Variants in BAHCC1 observed in about 807,000 individuals in gnomAD.
The protein encoded by BAHCC1 is BAH and coiled-coil domain-containing protein 1.
In BAHCC1, 43 loss-of-function variants were observed where a neutral mutation model predicts 88.2. That is an observed-to-expected ratio of 0.49 (90% CI 0.38 to 0.63). The LOEUF is 0.63. Ranked by LOEUF, BAHCC1 falls within the 20% of genes least tolerant of loss-of-function variation. BAHCC1 has a pLI of 0.00. For synonymous variants in BAHCC1, 1,510 were observed against 745.5 expected, an observed-to-expected ratio of 2.03 and a Z score of -16.71; for missense variants, 3,023 against 1,654.8, an observed-to-expected ratio of 1.83 and a Z score of -14.34.
chr17:81,461,765 A>G lies in BAHCC1; in HGVS notation c.7102A>G (p.Thr2368Ala), dbSNP rs1555659536. 3 of 715,862 alleles carry G rather than the reference A, an allele frequency of 4.2e-6. No individual in the cohort carries two copies. Among genetic ancestry groups the G allele is most frequent in the Admixed American group, 4.0e-5 (2 of 50,016 alleles). 44.3% of individuals were successfully genotyped at this position (715,862 alleles called of 1,614,324 possible). A position where few individuals can be genotyped will look rare whatever the true frequency, so the allele number is the denominator to read the frequency against. Residue 2368 changes from threonine to alanine, a missense_variant, in exon 26 of 28, where the codon ACC becomes GCC. By Grantham distance (58) the Thr-to-Ala change is moderately conservative (BLOSUM62 0). Transcript: ENST00000675386. ...GACCTGCCTCACCCACCCCGTGCCCACCCTCCTGGCCCAGCCCGAGGCCCT... is the reference window on the plus strand; with the variant it reads ...GACCTGCCTCACCCACCCCGTGCCCGCCCTCCTGGCCCAGCCCGAGGCCCT... ...LQTCLTHPVPTLLAQPEALRS... is the reference protein window; with the variant it reads ...LQTCLTHPVPALLAQPEALRS...
chr17:81,413,005 G>C (rs2063974144), intron 2 of BAHCC1: 1 of 306,994 alleles, frequency 3.3e-6, no homozygotes, highest in East Asian at 1.5e-4. Context: ...GGGGGCAGTG[G>C]GTGGGTGTCA....
At position 81,434,561 on chromosome 17, in the gene BAHCC1, G is replaced by A. The variant is rs1279720578; in HGVS notation, c.359-3809G>A. On this transcript the variant is annotated intron_variant, in intron 3 of 27. Transcript: ENST00000675386. This position sits in a 1 kb window ranked among gnomAD's most constrained non-coding sequence, Gnocchi z 4.9. Reference sequence around the variant, plus strand: ...GCCCTGAGCTCTGTGGCCCCAAGTGGGGCTTCCTGGGTGACCCTGCAGTGG... The same window carrying A: ...GCCCTGAGCTCTGTGGCCCCAAGTGAGGCTTCCTGGGTGACCCTGCAGTGG... 1.3e-5 allele frequency among the ~76,000 whole-genome samples: 2 copies of A among 152,124 alleles called. No individual in the cohort carries two copies. The highest frequency in any genetic ancestry group is 2.4e-5 in the African/African-American group (1 of 41,410).
Position 81,461,876 on chromosome 17 carries a change from G to T in BAHCC1, c.7213G>T (p.Gly2405Cys), listed in dbSNP as rs782278433. The T allele has an allele frequency of 1.4e-6, 1 of 726,544 alleles. No individual in the cohort carries two copies. Among genetic ancestry groups the T allele is most frequent in the South Asian group, 1.5e-5 (1 of 68,294 alleles). The allele number at this position is 726,544 out of a possible 1,614,324, so 45.0% of individuals were successfully genotyped here. ...GGTGGCTGGCACCGGTGCGGGCTCA[G>T]GCCCCAGCAGCAGCAGCAAATCCAA... ...ATVAGTGAGSGPSSSSKSKLK... is the reference protein window; with the variant it reads ...ATVAGTGAGSCPSSSSKSKLK... The change falls in exon 26 of 28, where the codon GGC (glycine) becomes TGC (cysteine). Residue 2405 changes from glycine (G) to cysteine (C), a missense_variant. By Grantham distance (159) the Gly-to-Cys change is radical. Transcript: ENST00000675386.
chr17:81,435,832 C>T lies in BAHCC1; in HGVS notation c.359-2538C>T, dbSNP rs2064327903. ...TTCCCCCACTCCTCAGTGGCAGCCC[C>T]TTCCAGGATGCCTGTGTGTCCCCGG... is the stretch of plus-strand genomic sequence containing the variant. On this transcript the variant is annotated intron_variant, in intron 3 of 27. Transcript: ENST00000675386. The surrounding 1 kb of genome is among the most constrained non-coding windows in gnomAD (Gnocchi z 4.4). Among the ~76,000 whole-genome samples, 1 of 151,946 alleles carries T rather than the reference C, an allele frequency of 6.6e-6. No homozygotes were observed. Among genetic ancestry groups the T allele is most frequent in the Non-Finnish European group, 1.5e-5 (1 of 67,928 alleles).
intron 2 of BAHCC1, among the ~76,000 whole-genome samples, chr17:81,426,524 G>A (rs2064202349): frequency 6.6e-6 from 1 of 151,574 alleles, no homozygotes; most frequent in Non-Finnish European, 1.5e-5. Context: ...ATGTGCTTGT[G>A]ACAAAGATGT....
chr17:81,411,315 C>T lies in BAHCC1; in HGVS notation c.178+11398C>T, dbSNP rs545878194. Among the ~76,000 whole-genome samples, 18 of 151,896 alleles carry T rather than the reference C, an allele frequency of 1.2e-4. No individual in the cohort carries two copies. The highest frequency in any genetic ancestry group is 2.4e-4 in the Non-Finnish European group (16 of 67,934). ...GACAGGCAGCAGGAGCTGGACGTGC[C>T]GTCAGCCCAGGCCCCTGAGAGTGAG... On this transcript the variant is annotated intron_variant, in intron 2 of 27. Transcript: ENST00000675386. The surrounding 1 kb of genome is among the most constrained non-coding windows in gnomAD (Gnocchi z 6.2).
intron 17 of BAHCC1, among the ~76,000 whole-genome samples, chr17:81,457,961 G>A (rs12935864): frequency 1.8e-5 from 2 of 108,822 alleles, no homozygotes; most frequent in African/African-American, 3.5e-5. Flanking sequence ...CTGGGTAACC[G>A]GGGGGAGGGC....
In BAHCC1 at chr17:81,457,610, C is replaced by T. The variant is rs782803684; in HGVS notation, c.5041+18C>T. Reference sequence around the variant, plus strand: ...GTTGCTAGGTAACCAGGAGGGAGGACAGGGGTTGCTAGGTAACCAGGAGGG... The same window carrying T: ...GTTGCTAGGTAACCAGGAGGGAGGATAGGGGTTGCTAGGTAACCAGGAGGG... On this transcript the variant is annotated intron_variant, in intron 17 of 27. Coordinates refer to ENST00000675386, the MANE Select transcript of BAHCC1 (RefSeq NM_001377448.1). 2 of 701,426 alleles carry T rather than the reference C, an allele frequency of 2.9e-6. No individual in the cohort carries two copies. The highest frequency in any genetic ancestry group is 2.0e-5 in the Admixed American group (1 of 49,182). The allele number at this position is 701,426 out of a possible 1,614,324, so 43.5% of individuals were successfully genotyped here. A position where few individuals can be genotyped will look rare whatever the true frequency, so the allele number is the denominator to read the frequency against.
In BAHCC1 at chr17:81,407,640, G is replaced by A. The variant is rs12601167; in HGVS notation, c.178+7723G>A. ...CCCCTCTCAGGCATGAACAGACATT[G>A]CCGCCTGGCAGGGGTTTCCTGGCTC... is the stretch of plus-strand genomic sequence containing the variant. On this transcript the variant is annotated intron_variant, in intron 2 of 27. Coordinates refer to ENST00000675386, the MANE Select transcript of BAHCC1 (RefSeq NM_001377448.1). 1.6e-4 allele frequency among the ~76,000 whole-genome samples: 25 copies of A among 152,364 alleles called. No homozygotes were observed. In the East Asian group the frequency reaches 2.7e-3, roughly 16 times the overall value.
chr17:81,463,259 C>T (rs2030458715), intron 27 of BAHCC1, among the ~76,000 whole-genome samples: 1 of 152,218 alleles, frequency 6.6e-6, no homozygotes, highest in Non-Finnish European at 1.5e-5. Context: ...ACCCCGTGGG[C>T]CCTCCCTGCC....
chr17:81,451,877 G>T lies in BAHCC1; in HGVS notation c.4179+7G>T. ...GACCCCCAAGACCAAGCCTGTGAGTGGAGGTCCCAGTGCCCACGTCGCCCA... is the reference window on the plus strand; with the variant it reads ...GACCCCCAAGACCAAGCCTGTGAGTTGAGGTCCCAGTGCCCACGTCGCCCA... On this transcript the variant is annotated splice_region_variant and intron_variant, in intron 12 of 27. Coordinates refer to ENST00000675386, the MANE Select transcript of BAHCC1 (RefSeq NM_001377448.1). The T allele has an allele frequency of 1.4e-6, 1 of 724,644 alleles. No homozygotes were observed. The highest frequency in any genetic ancestry group is 2.6e-5 in the East Asian group (1 of 38,994). 44.9% of individuals were successfully genotyped at this position (724,644 alleles called of 1,614,324 possible).
intron 11 of BAHCC1, among the ~76,000 whole-genome samples, chr17:81,449,311 T>A (rs1233962006): frequency 3.3e-5 from 5 of 151,376 alleles, no homozygotes; most frequent in African/African-American, 1.2e-4. Context: ...CCTCCCCTTG[T>A]CCCCGTTAAT....
chr17:81,441,116 GCA>G (rs2064407447), intron 4 of BAHCC1, among the ~76,000 whole-genome samples: 2 of 152,166 alleles, frequency 1.3e-5, no homozygotes, highest in South Asian at 4.1e-4. Flanking sequence ...ATCCCCACTG[GCA>G]CTGGGCCAGG....
rs1347554580 is a variant in BAHCC1, at chr17:81,430,175, C to T, written c.358+3196C>T. Among the ~76,000 whole-genome samples the T allele has an allele frequency of 2.0e-5, 3 of 152,290 alleles. No individual in the cohort carries two copies. In the Middle Eastern group the frequency reaches 0.01, roughly 518 times the overall value. On this transcript the variant is annotated intron_variant, in intron 3 of 27. Transcript: ENST00000675386. ...ATGAGAGCAGGGGTGGGGGCACACACAGCTGGCCCTATTGTCAGCAGGCCT... is the reference window on the plus strand; with the variant it reads ...ATGAGAGCAGGGGTGGGGGCACACATAGCTGGCCCTATTGTCAGCAGGCCT...
intron 3 of BAHCC1, among the ~76,000 whole-genome samples, chr17:81,433,520 C>T (rs1555651274): frequency 6.6e-6 from 1 of 150,512 alleles, no homozygotes; most frequent in African/African-American, 2.5e-5. Context: ...TCCCTGTGTG[C>T]CCAGGGCAGG....
In BAHCC1 at chr17:81,399,184, G is replaced by T; in HGVS notation, c.-206-350G>T. On this transcript the variant is annotated intron_variant, in intron 1 of 27. Coordinates refer to ENST00000675386, the MANE Select transcript of BAHCC1 (RefSeq NM_001377448.1). The surrounding 1 kb of genome is among the most constrained non-coding windows in gnomAD (Gnocchi z 4.5). The stretch of plus-strand genomic sequence containing the variant: ...GTGCGTGATGGCTTCGCAGATTTGG[G>T]TTTTTATCACCCAGCAGAGCCAGCA... 2.4e-6 allele frequency: 1 copy of T among 421,662 alleles called. No individual in the cohort carries two copies. 26.1% of individuals were successfully genotyped at this position (421,662 alleles called of 1,614,324 possible).
intron 2 of BAHCC1, among the ~76,000 whole-genome samples, chr17:81,400,386 G>A (rs1447912761): frequency 6.6e-6 from 1 of 152,214 alleles, no homozygotes; most frequent in Non-Finnish European, 1.5e-5. Context: ...TGCGCCGGGC[G>A]AGCGTTAATA....
Position 81,399,766 on chromosome 17 carries a change from G to T in BAHCC1, c.27G>T (p.Pro9=). MDGRDFAP[P]PHLLSERGSL... Reference sequence around the variant, plus strand: ...TGGATGGCCGCGACTTTGCGCCGCCGCCGCATCTGCTGTCGGAGCGCGGGA... The same window carrying T: ...TGGATGGCCGCGACTTTGCGCCGCCTCCGCATCTGCTGTCGGAGCGCGGGA... Residue 9 remains proline (P), a synonymous_variant, in exon 2 of 28, where the codon CCG becomes CCT. Coordinates refer to ENST00000675386, the MANE Select transcript of BAHCC1 (RefSeq NM_001377448.1). This position sits in a 1 kb window ranked among gnomAD's most constrained non-coding sequence, Gnocchi z 4.5. 2 of 1,206,250 alleles carry T rather than the reference G, an allele frequency of 1.7e-6. No homozygotes were observed. The highest frequency in any genetic ancestry group is 1.0e-6 in the Non-Finnish European group (1 of 971,760). 74.7% of individuals were successfully genotyped at this position (1,206,250 alleles called of 1,614,324 possible).
intron 2 of BAHCC1, among the ~76,000 whole-genome samples, chr17:81,414,794 G>T (rs906327347): frequency 6.6e-6 from 1 of 152,160 alleles, no homozygotes; most frequent in Non-Finnish European, 1.5e-5. Context: ...GGTGAGGCTG[G>T]GGGCGGAGGC....
Sources: gnomAD v4.1 joint callset for allele counts (sites outside exome capture counted in the v4.1 genomes callset) on GRCh38, gnomAD v4.1.1 for gene constraint, Gnocchi (gnomAD v3.1) non-coding constraint, MANE v1.5 for transcripts, NCBI Gene and HGNC (gene_info 2026-07-23, HGNC 2026-07-21) for gene names.